Variants in IL19 observed in about 807,000 individuals in gnomAD.
The protein encoded by IL19 is interleukin 19.
In IL19, 15 loss-of-function variants were observed where a neutral mutation model predicts 19.5. The observed-to-expected ratio is 0.77, with a 90% CI of 0.52 to 1.19. The LOEUF is 1.19. Ranked by LOEUF, IL19 falls within the 50% of genes most tolerant of loss-of-function variation. The probability of loss-of-function intolerance (pLI) is 0.00; values close to 1 mark genes in which losing one functional copy is unlikely to be tolerated. For missense variants in IL19, 199 were observed against 213.1 expected (o/e 0.93, Z 0.41); for synonymous variants, 78 against 78.3 (o/e 1.00, Z 0.02).
In IL19 at chr1:206,814,302, C is replaced by T. The variant is rs549284415; in HGVS notation, c.-3+15296C>T. Among the ~76,000 whole-genome samples the T allele has an allele frequency of 2.0e-5, 3 of 151,744 alleles. No homozygotes were observed. In the South Asian group the frequency reaches 6.3e-4, roughly 32 times the overall value. ...GAACATTGCTTAGGCAGAGAATATG[C>T]CAAACCCAAGTATGTAGCTTAGAAG... On this transcript the variant is annotated intron_variant, in intron 2 of 6. Transcript: ENST00000659997.
chr1:206,776,846 C>G (rs1052000633), intron 1 of IL19, among the ~76,000 whole-genome samples: 2 of 149,226 alleles, frequency 1.3e-5, no homozygotes, highest in Non-Finnish European at 3.0e-5. Flanking sequence ...CAATGGCTAC[C>G]CTCTTTGGGT....
chr1:206,836,576 G>C, intron 2 of IL19, 85 bp from the exon 3 acceptor site: 3 of 1,308,148 alleles, frequency 2.3e-6, no homozygotes, highest in Non-Finnish European at 3.2e-6. Context: ...TGCCTTCGAG[G>C]CTGGAAAGGA....
At chr1:206,832,901 T>C (rs1355453089) in intron 2 of IL19, among the ~76,000 whole-genome samples, 54 of 152,188 alleles carry the variant, frequency 3.5e-4, no homozygotes, top group Admixed American at 3.5e-3. Context: ...ACCTGTCCCG[T>C]AAAAGGCCCT....
At chr1:206,842,395 T>C in intron 6 of IL19, 132 bp from the exon 7 acceptor site, 1 of 597,182 alleles carries the variant, frequency 1.7e-6, no homozygotes, top group Non-Finnish European at 3.0e-6. Context: ...CTGTATGTTA[T>C]GCAAATATAT....
chr1:206,771,233 C>T, intron 1 of IL19, 155 bp downstream of exon 1: 1 of 1,155,224 alleles, frequency 8.7e-7, no homozygotes, highest in South Asian at 1.2e-5. Flanking sequence ...GCTGAGTTAA[C>T]ATCTTCCCAC....
chr1:206,831,363 T>C (rs1287001872), intron 2 of IL19, among the ~76,000 whole-genome samples: 10 of 152,318 alleles, frequency 6.6e-5, no homozygotes, highest in South Asian at 6.2e-4. Context: ...GGTGGGTCCA[T>C]TGGTCCCAGA....
At chr1:206,799,095 G>A in intron 2 of IL19, 89 bp downstream of exon 2, 2 of 901,024 alleles carry the variant, frequency 2.2e-6, no homozygotes, top group Non-Finnish European at 3.6e-6. Context: ...CTGGAAGACT[G>A]GGTTTTCAGA....
chr1:206,814,713 C>CAG (rs1676105176), intron 2 of IL19, among the ~76,000 whole-genome samples: 1 of 151,430 alleles, frequency 6.6e-6, no homozygotes, highest in Non-Finnish European at 1.5e-5. Flanking sequence ...CACACACACA[C>CAG]ACACACACAC....
Position 206,771,008 on chromosome 1 carries a change from C to T in IL19, c.-219C>T. On this transcript the variant is annotated 5_prime_UTR_variant, in exon 1 of 7. Coordinates refer to ENST00000659997, the MANE Select transcript of IL19 (RefSeq NM_153758.5). ...TGGTTCTCAGCTTGGGGCATCACCT[C>T]CTCCAGGTAAAACTGGATCATCTCA... 6.2e-7 allele frequency: 1 copy of T among 1,614,144 alleles called. No homozygotes were observed. Among genetic ancestry groups the T allele is most frequent in the Non-Finnish European group, 8.5e-7 (1 of 1,179,986 alleles).
chr1:206,831,713 C>T (rs1676615254), intron 2 of IL19, among the ~76,000 whole-genome samples: 1 of 152,198 alleles, frequency 6.6e-6, no homozygotes, highest in Admixed American at 6.5e-5. Flanking sequence ...TACCATTTTA[C>T]AGATGAGTAA....
At chr1:206,801,177 A>G (rs1675672288) in intron 2 of IL19, among the ~76,000 whole-genome samples, 1 of 151,864 alleles carries the variant, frequency 6.6e-6, no homozygotes, top group Non-Finnish European at 1.5e-5. Flanking sequence ...TTTAAAAAAA[A>G]AAAAAAACCA....
intron 1 of IL19, among the ~76,000 whole-genome samples, chr1:206,783,919 G>A (rs1035500253): frequency 2.0e-5 from 3 of 152,206 alleles, no homozygotes; most frequent in Non-Finnish European, 2.9e-5. Context: ...CACAATGCTT[G>A]GATGAATACT....
chr1:206,781,893 AGTTATATAT>A (rs1675144369), intron 1 of IL19, among the ~76,000 whole-genome samples: 1 of 127,842 alleles, frequency 7.8e-6, no homozygotes, highest in South Asian at 2.3e-4. Context: ...ATATGTATAT[AGTTATATAT>A]ACATATATAT....
At chr1:206,815,938 A>T (rs1006193330) in intron 2 of IL19, among the ~76,000 whole-genome samples, 2 of 152,182 alleles carry the variant, frequency 1.3e-5, no homozygotes, top group African/African-American at 4.8e-5. Context: ...TTTTCATTAC[A>T]ATGTTGATGA....
chr1:206,801,168 T>TAA (rs1558612047), intron 2 of IL19, among the ~76,000 whole-genome samples: 1 of 118,318 alleles, frequency 8.5e-6, no homozygotes, highest in South Asian at 2.6e-4. Flanking sequence ...CATTCGTAGT[T>TAA]TAAAAAAAAA....
chr1:206,822,734 T>C (rs1377918210), intron 2 of IL19, among the ~76,000 whole-genome samples: 1 of 152,190 alleles, frequency 6.6e-6, no homozygotes, highest in African/African-American at 2.4e-5. Context: ...CTGTGAGGTC[T>C]GTGGGGCCGG....
At chr1:206,806,370 T>C (rs1023429268) in intron 2 of IL19, among the ~76,000 whole-genome samples, 2 of 152,194 alleles carry the variant, frequency 1.3e-5, no homozygotes, top group Non-Finnish European at 2.9e-5. Context: ...GCTACTACTC[T>C]GAAATATATT....
At chr1:206,772,902 C>A (rs1674894895) in intron 1 of IL19, among the ~76,000 whole-genome samples, 1 of 152,200 alleles carries the variant, frequency 6.6e-6, no homozygotes. Flanking sequence ...GTCCCCCCAA[C>A]CTGGGATGAA....
intron 2 of IL19, among the ~76,000 whole-genome samples, chr1:206,829,886 G>A (rs943564416): frequency 4.6e-5 from 7 of 152,216 alleles, no homozygotes; most frequent in African/African-American, 1.2e-4. Context: ...AAAAAAGGAG[G>A]AGGAGAAGGA....
Sources: gnomAD v4.1 joint callset for allele counts (sites outside exome capture counted in the v4.1 genomes callset) on GRCh38, gnomAD v4.1.1 for gene constraint, MANE v1.5 for transcripts, NCBI Gene and HGNC (gene_info 2026-07-23, HGNC 2026-07-21) for gene names.